SLC15A5: variants seen among roughly 807,000 people sequenced by gnomAD.
SLC15A5 encodes the protein solute carrier family 15 member 5.
Under a neutral mutation model 56.1 loss-of-function variants are expected in SLC15A5, and 58 were observed. That is an observed-to-expected ratio of 1.03 (90% CI 0.84 to 1.29). The LOEUF (loss-of-function observed/expected upper bound fraction) is 1.29. SLC15A5 is among the 50% of genes most tolerant of loss of function. The pLI is 0.00. For synonymous variants in SLC15A5, 264 were observed against 250.5 expected (o/e 1.05, Z -0.51); for missense variants, 681 against 672.1 (o/e 1.01, Z -0.15).
intron 3 of SLC15A5, among the ~76,000 whole-genome samples, chr12:16,252,493 T>G (rs1053376801): frequency 2.0e-5 from 3 of 152,052 alleles, no homozygotes; most frequent in Non-Finnish European, 4.4e-5. Flanking sequence ...AAAAATCAGT[T>G]GCATTTCTAT....
At chr12:16,204,062 T>TA (rs1447831430) in intron 7 of SLC15A5, among the ~76,000 whole-genome samples, 1 of 152,192 alleles carries the variant, frequency 6.6e-6, no homozygotes, top group Non-Finnish European at 1.5e-5. Context: ...ATATTAAATT[T>TA]AAAAAGTATG....
chr12:16,270,200 A>G (rs963989056), intron 2 of SLC15A5, among the ~76,000 whole-genome samples: 4 of 152,148 alleles, frequency 2.6e-5, no homozygotes, highest in African/African-American at 7.2e-5. Context: ...AGTGCCTGAG[A>G]CTTCCAGTCT....
intron 3 of SLC15A5, among the ~76,000 whole-genome samples, chr12:16,250,392 T>G (rs1043658168): frequency 6.6e-6 from 1 of 152,020 alleles, no homozygotes; most frequent in Non-Finnish European, 1.5e-5. Flanking sequence ...ACCTACATTG[T>G]AGGTATATGA....
chr12:16,202,122 A>G (rs1011389861), intron 7 of SLC15A5, among the ~76,000 whole-genome samples: 3 of 152,196 alleles, frequency 2.0e-5, no homozygotes, highest in Non-Finnish European at 4.4e-5. Flanking sequence ...TCAGACTAAA[A>G]TGTTTCTGCA....
chr12:16,243,568 CAT>C lies in SLC15A5; in HGVS notation c.975+1010_975+1011del, dbSNP rs1205526431. Among the ~76,000 whole-genome samples, 1 of 151,984 alleles carries C rather than the reference CAT, an allele frequency of 6.6e-6. No homozygotes were observed. Among genetic ancestry groups the C allele is most frequent in the Non-Finnish European group, 1.5e-5 (1 of 68,012 alleles). On this transcript the variant is annotated intron_variant, in intron 4 of 8. Coordinates refer to ENST00000344941, the MANE Select transcript of SLC15A5 (RefSeq NM_001170798.1). This position sits in a 1 kb window ranked among gnomAD's most constrained non-coding sequence, Gnocchi z 4.4. Reference sequence around the variant, plus strand: ...TATTCTTTTTTTAATTTTTTTCAAACATATAAAAATGTAAAAATCTTCTTAGC... The same window carrying C: ...TATTCTTTTTTTAATTTTTTTCAAACATAAAAATGTAAAAATCTTCTTAGC...
chr12:16,244,759 G>A lies in SLC15A5; in HGVS notation c.796C>T (p.Leu266=). The change falls in exon 4 of 9, where the codon CTG becomes TTG. Residue 266 remains leucine, a synonymous_variant. Transcript: ENST00000344941. ...CAGTATTGCGGGTGGCATGTTTTCA[G>A]TGCACTAACCAACACCCCAACGCCT... ...LTGVGVLVSA[L]KTCHPQYCHL... is the part of the protein sequence containing the mutation. The A allele has an allele frequency of 2.0e-6, 3 of 1,537,814 alleles. No homozygotes were observed. The highest frequency in any genetic ancestry group is 2.6e-6 in the Non-Finnish European group (3 of 1,147,030).
At chr12:16,211,157 G>A (rs1264148577) in intron 7 of SLC15A5, among the ~76,000 whole-genome samples, 1 of 152,218 alleles carries the variant, frequency 6.6e-6, no homozygotes, top group South Asian at 2.1e-4. Flanking sequence ...CCGAGGCATA[G>A]ATCTGAATTT....
intron 7 of SLC15A5, among the ~76,000 whole-genome samples, chr12:16,209,643 G>T (rs1487217895): frequency 1.3e-5 from 2 of 152,098 alleles, no homozygotes; most frequent in Non-Finnish European, 2.9e-5. Flanking sequence ...TGCCCACCCA[G>T]TAGCTCATGG....
intron 8 of SLC15A5, among the ~76,000 whole-genome samples, chr12:16,193,841 GA>G (rs1863867164): frequency 2.2e-5 from 3 of 135,732 alleles, no homozygotes; most frequent in Non-Finnish European, 3.1e-5. Flanking sequence ...GAGAGAGAGA[GA>G]GAGGCTGGCA....
intron 6 of SLC15A5, among the ~76,000 whole-genome samples, chr12:16,218,409 C>T (rs1864151963): frequency 6.6e-6 from 1 of 152,138 alleles, no homozygotes. Flanking sequence ...GATGTGCAGT[C>T]ATGCGTGGCT....
intron 7 of SLC15A5, among the ~76,000 whole-genome samples, chr12:16,195,154 C>T (rs1413010188): frequency 1.3e-5 from 2 of 151,968 alleles, no homozygotes; most frequent in Admixed American, 6.6e-5. Context: ...CTTTAATTTG[C>T]TTCTAAGTTT....
At chr12:16,229,577 A>G (rs1277272373) in intron 5 of SLC15A5, among the ~76,000 whole-genome samples, 1 of 150,428 alleles carries the variant, frequency 6.6e-6, no homozygotes, top group African/African-American at 2.4e-5. Context: ...ATTGGATCTA[A>G]GTTTGTTTTG....
intron 7 of SLC15A5, among the ~76,000 whole-genome samples, chr12:16,199,018 A>G (rs1251814903): frequency 6.6e-6 from 1 of 151,968 alleles, no homozygotes; most frequent in African/African-American, 2.4e-5. Flanking sequence ...TAGTTCCCCT[A>G]TTAGCCAGGC....
At chr12:16,257,979 T>A in intron 2 of SLC15A5, 109 bp from the exon 3 acceptor site, 2 of 1,006,104 alleles carry the variant, frequency 2.0e-6, no homozygotes, top group Non-Finnish European at 1.3e-6. Flanking sequence ...GATGGCATGT[T>A]AACTGAACCC....
In SLC15A5 at chr12:16,205,558, ATT is replaced by A. The variant is rs1565657546; in HGVS notation, c.1484-11107_1484-11106del. On this transcript the variant is annotated intron_variant, in intron 7 of 8. Coordinates refer to ENST00000344941, the MANE Select transcript of SLC15A5 (RefSeq NM_001170798.1). ...CATATATATATATGTATATATATAT[ATT>A]CCATAAGAAGGGAAAGGTGCATATA... is the stretch of plus-strand genomic sequence containing the variant. Among the ~76,000 whole-genome samples the A allele has an allele frequency of 3.5e-4, 15 of 42,428 alleles. 1 individual carries two copies. The highest frequency in any genetic ancestry group is 2.0e-3 in the African/African-American group (15 of 7,674). The allele number at this position is 42,428 out of a possible 152,430, so 27.8% of individuals were successfully genotyped here.
intron 3 of SLC15A5, among the ~76,000 whole-genome samples, chr12:16,249,644 T>C (rs1337098274): frequency 6.6e-6 from 1 of 152,114 alleles, no homozygotes; most frequent in Non-Finnish European, 1.5e-5. Context: ...AAACAGAGTT[T>C]ATTACATAGA....
At chr12:16,247,589 C>T (rs1042348756) in intron 3 of SLC15A5, among the ~76,000 whole-genome samples, 6 of 151,934 alleles carry the variant, frequency 3.9e-5, no homozygotes, top group Admixed American at 6.6e-5. Flanking sequence ...AGAGAGTTGA[C>T]GTATGAACTG....
At chr12:16,240,606 G>GTAT (rs1864404779) in intron 4 of SLC15A5, among the ~76,000 whole-genome samples, 1 of 152,066 alleles carries the variant, frequency 6.6e-6, no homozygotes, top group East Asian at 1.9e-4. Context: ...AATCCTCAAT[G>GTAT]TATTGTTAGA....
intron 7 of SLC15A5, among the ~76,000 whole-genome samples, chr12:16,211,603 G>C (rs1379838113): frequency 1.3e-5 from 2 of 152,108 alleles, no homozygotes; most frequent in Non-Finnish European, 2.9e-5. Flanking sequence ...TTTATGAAAA[G>C]GTTTAAGTTC....
Sources: allele counts gnomAD v4.1 joint callset (sites outside exome capture counted in the v4.1 genomes callset), GRCh38; gene constraint gnomAD v4.1.1; non-coding constraint Gnocchi (gnomAD v3.1); transcripts MANE v1.5; gene names NCBI Gene and HGNC (gene_info 2026-07-23, HGNC 2026-07-21).